CARS2: variants seen among roughly 807,000 people sequenced by gnomAD.
The protein encoded by CARS2 is probable cysteine--tRNA ligase, mitochondrial.
In CARS2, 52 loss-of-function variants were observed where a neutral mutation model predicts 68.8. That is an observed-to-expected ratio of 0.76 (90% CI 0.61 to 0.95). The LOEUF (loss-of-function observed/expected upper bound fraction) is 0.95, where lower values mean the gene tolerates loss of function less well. Among genes scored for constraint, CARS2 ranks in the 40% least tolerant of loss-of-function variants. The pLI is 0.00. For missense variants in CARS2, 780 were observed against 754.2 expected (o/e 1.03, Z -0.40); for synonymous variants, 314 against 303.6 (o/e 1.03, Z -0.36).
chr13:110,645,827 G>A, intron 12 of CARS2, 140 bp downstream of exon 12: 5 of 1,142,358 alleles, frequency 4.4e-6, no homozygotes, highest in Middle Eastern at 3.0e-4. Context: ...GCAGACTCGG[G>A]CTCCATGAGT....
intron 9 of CARS2, among the ~76,000 whole-genome samples, chr13:110,652,978 A>C (rs952806751): frequency 3.9e-5 from 6 of 152,182 alleles, no homozygotes; most frequent in African/African-American, 1.4e-4. Context: ...GGATGACATC[A>C]CACACCACAA....
intron 9 of CARS2, among the ~76,000 whole-genome samples, chr13:110,660,728 G>T (rs762893412): frequency 6.7e-6 from 1 of 150,314 alleles, no homozygotes; most frequent in African/African-American, 2.4e-5. Flanking sequence ...GATATTCCAC[G>T]TATACAGCAC....
At chr13:110,647,938 C>T (rs1888365939) in intron 10 of CARS2, among the ~76,000 whole-genome samples, 1 of 152,208 alleles carries the variant, frequency 6.6e-6, no homozygotes, top group Non-Finnish European at 1.5e-5. Context: ...CCCAGGCTGT[C>T]TGAGTCCACA....
intron 3 of CARS2, among the ~76,000 whole-genome samples, chr13:110,690,241 A>C (rs565832032): frequency 4.6e-5 from 7 of 152,180 alleles, no homozygotes; most frequent in Non-Finnish European, 8.8e-5. Flanking sequence ...AAAATAAAAA[A>C]TAAAATAATA....
chr13:110,651,124 T>G (rs774428887), intron 9 of CARS2, 24 bp from the exon 10 acceptor site: 7 of 1,580,196 alleles, frequency 4.4e-6, no homozygotes, highest in Non-Finnish European at 8.7e-7. Context: ...AGACAGGCAG[T>G]CACGAGGCTT....
At chr13:110,710,463 T>A (rs1234687318), upstream of CARS2, among the ~76,000 whole-genome samples, 2 of 97,994 alleles carry the variant, frequency 2.0e-5, no homozygotes, top group Admixed American at 1.2e-4. Flanking sequence ...ACTGGAAATA[T>A]AATTTTAGAA....
At chr13:110,644,585 AGT>A in intron 12 of CARS2, 102 bp from the exon 13 acceptor site, 1 of 1,535,736 alleles carries the variant, frequency 6.5e-7, no homozygotes, top group South Asian at 1.2e-5. Flanking sequence ...AGGTCACTTC[AGT>A]CTGGCCTTTC....
At chr13:110,672,621 C>A (rs2062832274) in intron 7 of CARS2, among the ~76,000 whole-genome samples, 1 of 152,156 alleles carries the variant, frequency 6.6e-6, no homozygotes, top group African/African-American at 2.4e-5. Flanking sequence ...CAGGAAAGAT[C>A]TAAAACTAAC....
At chr13:110,695,982 T>C (rs1330354446) in intron 3 of CARS2, among the ~76,000 whole-genome samples, 3 of 152,132 alleles carry the variant, frequency 2.0e-5, no homozygotes, top group Admixed American at 6.6e-5. Flanking sequence ...CCTGTGTCCA[T>C]GTGCTCTCAT....
At chr13:110,687,224 T>C (rs1027478537) in intron 5 of CARS2, among the ~76,000 whole-genome samples, 2 of 152,188 alleles carry the variant, frequency 1.3e-5, no homozygotes, top group Non-Finnish European at 2.9e-5. Flanking sequence ...TTAGAACTAA[T>C]TCAACCATTT....
At chr13:110,659,085 T>C (rs2062440142) in intron 9 of CARS2, among the ~76,000 whole-genome samples, 1 of 152,194 alleles carries the variant, frequency 6.6e-6, no homozygotes, top group African/African-American at 2.4e-5. Context: ...ATGTATTTCC[T>C]AATGGTCAAT....
chr13:110,683,033 T>C lies in CARS2; in HGVS notation c.655+18A>G. 3.1e-6 allele frequency: 5 copies of C among 1,589,294 alleles called. No individual in the cohort carries two copies. Among genetic ancestry groups the C allele is most frequent in the Non-Finnish European group, 4.3e-6 (5 of 1,170,110 alleles). On this transcript the variant is annotated intron_variant, in intron 6 of 14. Coordinates refer to ENST00000257347, the MANE Select transcript of CARS2 (RefSeq NM_024537.4). ...GGCAGAGGTCAGGGACCCACAGGGC[T>C]GAGCCCGGCCAACCCACCTGGCTCT...
chr13:110,712,958 G>C, intron 1 of CARS2: 1 of 1,560,422 alleles, frequency 6.4e-7, no homozygotes, highest in Non-Finnish European at 8.7e-7. Context: ...GCTGGGAGTG[G>C]TGGTCCGGCC....
In CARS2 at chr13:110,687,977, T is replaced by G; in HGVS notation, c.435A>C (p.Glu145Asp). The G allele has an allele frequency of 6.2e-7, 1 of 1,612,898 alleles. No individual in the cohort carries two copies. Among genetic ancestry groups the G allele is most frequent in the Non-Finnish European group, 8.5e-7 (1 of 1,179,674 alleles). ...GGGCTGCCATGTCCTGCTTGAAGTC[T>G]TCCTCATAAAGACTGGCGAGGGAAG... Reference protein sequence around the residue: ...SPASLASLYEEDFKQDMAALK... With the variant: ...SPASLASLYEDDFKQDMAALK... Residue 145 changes from glutamate to aspartate, a missense_variant, in exon 4 of 15, where the codon GAA (glutamate) becomes GAC (aspartate). Transcript: ENST00000257347.
At position 110,679,597 on chromosome 13, in the gene CARS2, AAGAGAGAGAG is replaced by A. The variant is rs1198413028; in HGVS notation, c.656-2504_656-2495del. ...AGAGAAAGAAAGAAAGAAAGAAAGA[AAGAGAGAGAG>A]AGAGAGAGAGAGAGAGAGGGAGGGA... On this transcript the variant is annotated intron_variant, in intron 6 of 14. Coordinates refer to ENST00000257347, the MANE Select transcript of CARS2 (RefSeq NM_024537.4). Among the ~76,000 whole-genome samples the A allele has an allele frequency of 4.2e-3, 184 of 43,678 alleles. 1 individual carries two copies. Among genetic ancestry groups the A allele is most frequent in the African/African-American group, 8.2e-3 (153 of 18,594 alleles). 28.7% of individuals were successfully genotyped at this position (43,678 alleles called of 152,430 possible).
chr13:110,667,262 C>G, intron 8 of CARS2, 78 bp downstream of exon 8: 1 of 1,326,938 alleles, frequency 7.5e-7, no homozygotes, highest in Non-Finnish European at 1.0e-6. Flanking sequence ...TATGTATTTC[C>G]AAATGTAGCT....
At chr13:110,667,702 C>T (rs1469251121) in intron 7 of CARS2, among the ~76,000 whole-genome samples, 1 of 152,160 alleles carries the variant, frequency 6.6e-6, no homozygotes, top group Non-Finnish European at 1.5e-5. Context: ...ATTCTTTTTG[C>T]TCCAGGTTCT....
chr13:110,684,181 C>T (rs1048486822), intron 5 of CARS2, among the ~76,000 whole-genome samples: 6 of 152,178 alleles, frequency 3.9e-5, no homozygotes, highest in African/African-American at 9.6e-5. Flanking sequence ...ACCACAGATC[C>T]GCAGCCACCA....
At chr13:110,652,162 G>A (rs59261018) in intron 9 of CARS2, among the ~76,000 whole-genome samples, 29,731 of 152,244 alleles carry the variant, frequency 0.2, 3,290 homozygotes, top group Admixed American at 0.3. Flanking sequence ...GTCTCCCTCG[G>A]GTAAACCCGA....
Sources: gnomAD v4.1 joint callset for allele counts (sites outside exome capture counted in the v4.1 genomes callset) on GRCh38, gnomAD v4.1.1 for gene constraint, MANE v1.5 for transcripts, NCBI Gene and HGNC (gene_info 2026-07-23, HGNC 2026-07-21) for gene names.